RSRC1: variants seen among roughly 807,000 people sequenced by gnomAD.
RSRC1 encodes arginine and serine rich coiled-coil 1.
A neutral mutation model predicts 49.1 loss-of-function variants in RSRC1; 39 were observed. The ratio of observed to expected loss-of-function variants is 0.79; its 90% CI spans 0.61 to 1.04. RSRC1 has a LOEUF of 1.04. RSRC1 is among the 50% of genes least tolerant of loss of function. RSRC1 has a pLI of 0.00. For missense variants in RSRC1, 388 were observed against 402.4 expected (o/e 0.96, Z 0.31); for synonymous variants, 143 against 130.8 (o/e 1.09, Z -0.63).
At chr3:158,458,040 C>T (rs1737432058) in intron 6 of RSRC1, among the ~76,000 whole-genome samples, 1 of 152,014 alleles carries the variant, frequency 6.6e-6, no homozygotes, top group African/African-American at 2.4e-5. Flanking sequence ...CTTTCCAAAA[C>T]AAGCCAAAGA....
chr3:158,479,897 T>C (rs562864551), intron 7 of RSRC1, among the ~76,000 whole-genome samples: 2 of 152,076 alleles, frequency 1.3e-5, no homozygotes, highest in South Asian at 4.1e-4. Context: ...ACACTTCATT[T>C]TCTCTTTATT....
chr3:158,305,840 G>A (rs1248155211), intron 5 of RSRC1, among the ~76,000 whole-genome samples: 2 of 151,958 alleles, frequency 1.3e-5, no homozygotes, highest in Non-Finnish European at 2.9e-5. Context: ...CTCTAGAAAG[G>A]CACACAACTG....
intron 5 of RSRC1, among the ~76,000 whole-genome samples, chr3:158,331,183 GA>G (rs1028092994): frequency 3.9e-5 from 6 of 152,178 alleles, no homozygotes; most frequent in African/African-American, 1.2e-4. Flanking sequence ...AGGGTGAGGG[GA>G]ACACACACAG....
intron 6 of RSRC1, among the ~76,000 whole-genome samples, chr3:158,454,478 T>C (rs1737210853): frequency 6.6e-6 from 1 of 152,176 alleles, no homozygotes; most frequent in Non-Finnish European, 1.5e-5. Context: ...GAAAATTCGT[T>C]GGTAAGATCT....
At chr3:158,430,002 C>T (rs1324927421) in intron 6 of RSRC1, among the ~76,000 whole-genome samples, 1 of 151,068 alleles carries the variant, frequency 6.6e-6, no homozygotes, top group East Asian at 2.0e-4. Context: ...TGACTTGTAG[C>T]TTTAAAATTT....
chr3:158,518,705 G>A (rs1740741063), intron 7 of RSRC1, among the ~76,000 whole-genome samples: 1 of 151,940 alleles, frequency 6.6e-6, no homozygotes. Context: ...TCCAAATCTA[G>A]TATAATTTTT....
intron 6 of RSRC1, among the ~76,000 whole-genome samples, chr3:158,356,896 T>G (rs1731193691): frequency 6.6e-6 from 1 of 152,162 alleles, no homozygotes. Context: ...GATGTGATAC[T>G]CCAGACCTCA....
intron 7 of RSRC1, among the ~76,000 whole-genome samples, chr3:158,533,837 A>G (rs1576613189): frequency 6.6e-6 from 1 of 151,712 alleles, no homozygotes; most frequent in Admixed American, 6.6e-5. Flanking sequence ...CCATATTAAC[A>G]TTATTATATA....
intron 6 of RSRC1, among the ~76,000 whole-genome samples, chr3:158,383,888 C>G (rs147316844): frequency 2.7e-4 from 41 of 152,086 alleles, no homozygotes; most frequent in African/African-American, 9.6e-4. Flanking sequence ...GATTCACATA[C>G]ATGGGATATG....
intron 5 of RSRC1, among the ~76,000 whole-genome samples, chr3:158,299,389 A>G (rs1023455685): frequency 9.2e-5 from 14 of 151,710 alleles, no homozygotes; most frequent in African/African-American, 3.1e-4. Flanking sequence ...ATTAGTGTGC[A>G]GTGGTGCGAT....
At chr3:158,233,973 A>G (rs1285930604) in intron 4 of RSRC1, among the ~76,000 whole-genome samples, 4 of 152,172 alleles carry the variant, frequency 2.6e-5, no homozygotes, top group African/African-American at 9.6e-5. Context: ...AATAAGTGGC[A>G]GATAGCTTTT....
At chr3:158,427,179 A>G (rs1231582587) in intron 6 of RSRC1, among the ~76,000 whole-genome samples, 1 of 150,912 alleles carries the variant, frequency 6.6e-6, no homozygotes, top group Non-Finnish European at 1.5e-5. Flanking sequence ...ATAATAAATG[A>G]TAGCCAACCA....
In RSRC1 at chr3:158,507,277, A is replaced by G. The variant is rs1469624574; in HGVS notation, c.653-29815A>G. Among the ~76,000 whole-genome samples, 6 of 152,156 alleles carry G rather than the reference A, an allele frequency of 3.9e-5. No homozygotes were observed. In the East Asian group the frequency reaches 9.6e-4, roughly 24 times the overall value. ...GAAGAGAAGTTGGTTAAAGAGTACA[A>G]AAATAACAGATGGAAGAAATAAGTT... On this transcript the variant is annotated intron_variant, in intron 7 of 9. Coordinates refer to ENST00000611884, the MANE Select transcript of RSRC1 (RefSeq NM_001271838.2).
At chr3:158,493,390 G>C (rs1308385794) in intron 7 of RSRC1, among the ~76,000 whole-genome samples, 1 of 152,118 alleles carries the variant, frequency 6.6e-6, no homozygotes, top group Non-Finnish European at 1.5e-5. Context: ...AGGGGAGACT[G>C]GGTAGAGAAT....
chr3:158,154,558 G>A (rs573023631), intron 3 of RSRC1, among the ~76,000 whole-genome samples: 12 of 150,474 alleles, frequency 8.0e-5, no homozygotes, highest in African/African-American at 1.7e-4. Context: ...TCTGCCTCCC[G>A]GGTTCAAGCA....
At chr3:158,113,239 A>G (rs1437286284) in intron 1 of RSRC1, among the ~76,000 whole-genome samples, 1 of 152,158 alleles carries the variant, frequency 6.6e-6, no homozygotes, top group East Asian at 1.9e-4. Flanking sequence ...TCCTCAAAGT[A>G]TCACCCGTTC....
intron 4 of RSRC1, among the ~76,000 whole-genome samples, chr3:158,263,505 T>C (rs1000563308): frequency 6.6e-6 from 1 of 152,170 alleles, no homozygotes; most frequent in Non-Finnish European, 1.5e-5. Flanking sequence ...AATTCCTTTG[T>C]CTGTGTTTGG....
At chr3:158,421,107 A>T (rs1162517954) in intron 6 of RSRC1, among the ~76,000 whole-genome samples, 3 of 151,878 alleles carry the variant, frequency 2.0e-5, no homozygotes, top group Non-Finnish European at 2.9e-5. Context: ...TCAGTGTTGA[A>T]ATCAGGGAAG....
At chr3:158,257,722 C>T (rs1429169164) in intron 4 of RSRC1, among the ~76,000 whole-genome samples, 1 of 152,006 alleles carries the variant, frequency 6.6e-6, no homozygotes, top group Non-Finnish European at 1.5e-5. Flanking sequence ...TCCATCTTTT[C>T]TTCTTTCCTG....
Sources: allele counts gnomAD v4.1 joint callset (sites outside exome capture counted in the v4.1 genomes callset), GRCh38; gene constraint gnomAD v4.1.1; transcripts MANE v1.5; gene names NCBI Gene and HGNC (gene_info 2026-07-23, HGNC 2026-07-21).